Variants in GMFB observed in about 807,000 individuals in gnomAD.
The protein encoded by GMFB is glia maturation factor beta, also known as GMF-beta.
Under a neutral mutation model 25.6 loss-of-function variants are expected in GMFB, and 13 were observed. That is an observed-to-expected ratio of 0.51 (90% CI 0.33 to 0.81). GMFB has a LOEUF of 0.81. Ranked by LOEUF, GMFB falls within the 30% of genes least tolerant of loss-of-function variation. GMFB has a pLI of 0.02. For synonymous variants in GMFB, 57 were observed against 56.9 expected (o/e 1.00, Z 0.00); for missense variants, 146 against 175.4 (o/e 0.83, Z 0.95).
intron 3 of GMFB, among the ~76,000 whole-genome samples, chr14:54,481,923 T>C (rs1327879209): frequency 1.3e-5 from 2 of 152,162 alleles, no homozygotes; most frequent in Non-Finnish European, 2.9e-5. Flanking sequence ...ACTCAGTATA[T>C]GACCCCAACT....
At chr14:54,487,978 A>G (rs2031811179) in intron 1 of GMFB, among the ~76,000 whole-genome samples, 1 of 152,212 alleles carries the variant, frequency 6.6e-6, no homozygotes, top group Non-Finnish European at 1.5e-5. Flanking sequence ...AAGGGGAAGA[A>G]TGAAGGAAGA....
At chr14:54,486,237 A>C (rs1226369259) in intron 1 of GMFB, among the ~76,000 whole-genome samples, 1 of 152,194 alleles carries the variant, frequency 6.6e-6, no homozygotes, top group African/African-American at 2.4e-5. Flanking sequence ...CGACAGAGCG[A>C]GACTCCATCT....
Position 54,483,521 on chromosome 14 carries a change from C to T in GMFB, c.100+150G>A, listed in dbSNP as rs1191807930. ...TCTGTGACATTAGAATTAGCTGTTA[C>T]TTATTTTTTAAAGTGATCTAAAGGT... On this transcript the variant is annotated intron_variant, in intron 2 of 6. Coordinates refer to ENST00000358056, the MANE Select transcript of GMFB (RefSeq NM_004124.3). 9 of 607,960 alleles carry T rather than the reference C, an allele frequency of 1.5e-5. No individual in the cohort carries two copies. In the Middle Eastern group the frequency reaches 9.7e-4, roughly 65 times the overall value. 37.7% of individuals were successfully genotyped at this position (607,960 alleles called of 1,614,324 possible).
Position 54,476,494 on chromosome 14 carries a change from T to C in GMFB, c.*1594A>G, listed in dbSNP as rs576684186. On this transcript the variant is annotated 3_prime_UTR_variant, in exon 7 of 7. Transcript: ENST00000358056. ...TTTTAAACTTCCTGGGTGAGTTTTC[T>C]CTTCTCTCTGGAAATTGGAATAAAG... The C allele has an allele frequency of 2.0e-4, 30 of 152,160 alleles. No homozygotes were observed. The highest frequency in any genetic ancestry group is 3.8e-4 in the Non-Finnish European group (26 of 67,892). The allele number at this position is 152,160 out of a possible 1,614,324, so 9.4% of individuals were successfully genotyped here. A position where few individuals can be genotyped will look rare whatever the true frequency, so the allele number is the denominator to read the frequency against.
intron 1 of GMFB, among the ~76,000 whole-genome samples, chr14:54,487,518 G>C (rs370038160): frequency 6.6e-6 from 1 of 151,628 alleles, no homozygotes; most frequent in South Asian, 2.1e-4. Flanking sequence ...CAACCAACGC[G>C]ACAGAGCGAG....
At chr14:54,488,141 C>T (rs1315845590) in intron 1 of GMFB, among the ~76,000 whole-genome samples, 1 of 152,200 alleles carries the variant, frequency 6.6e-6, no homozygotes, top group East Asian at 1.9e-4. Context: ...TCACAGAGAG[C>T]AGTGTTTTGT....
Position 54,474,731 on chromosome 14 carries a change from T to C in GMFB, c.*3357A>G, listed in dbSNP as rs528014385. On this transcript the variant is annotated 3_prime_UTR_variant, in exon 7 of 7. Coordinates refer to ENST00000358056, the MANE Select transcript of GMFB (RefSeq NM_004124.3). Reference sequence around the variant, plus strand: ...TAAATCAGTGGGAACTGCCCTGGCATGTTAATGATCTCAAACAATATTCAA... The same window carrying C: ...TAAATCAGTGGGAACTGCCCTGGCACGTTAATGATCTCAAACAATATTCAA... 1 of 152,784 alleles carries C rather than the reference T, an allele frequency of 6.5e-6. No homozygotes were observed. Among genetic ancestry groups the C allele is most frequent in the East Asian group, 1.9e-4 (1 of 5,192 alleles). The allele number at this position is 152,784 out of a possible 1,614,324, so 9.5% of individuals were successfully genotyped here. A position where few individuals can be genotyped will look rare whatever the true frequency, so the allele number is the denominator to read the frequency against.
rs1226661535 is a variant in GMFB, at chr14:54,475,515, A to G, written c.*2573T>C. 1 of 152,590 alleles carries G rather than the reference A, an allele frequency of 6.6e-6. No homozygotes were observed. Among genetic ancestry groups the G allele is most frequent in the Non-Finnish European group, 1.5e-5 (1 of 67,962 alleles). 9.5% of individuals were successfully genotyped at this position (152,590 alleles called of 1,614,324 possible). A position where few individuals can be genotyped will look rare whatever the true frequency, so the allele number is the denominator to read the frequency against. ...GACAATTTGAACATTTTAGAAGTCA[A>G]TTAAACAAAAACAGTCAACCAACTT... is the stretch of plus-strand genomic sequence containing the variant. On this transcript the variant is annotated 3_prime_UTR_variant, in exon 7 of 7. Transcript: ENST00000358056.
At chr14:54,483,624 A>C (rs1397972679) in intron 2 of GMFB, 47 bp downstream of exon 2, 10 of 968,616 alleles carry the variant, frequency 1.0e-5, no homozygotes, top group Non-Finnish European at 1.6e-5. Flanking sequence ...ACAAGATTAA[A>C]AACAAATTAA....
intron 2 of GMFB, chr14:54,483,198 A>T (rs896277397): frequency 6.5e-6 from 1 of 154,322 alleles, no homozygotes; most frequent in Admixed American, 6.4e-5. Context: ...TTTTCAGAAG[A>T]TAGTGCCAGT....
chr14:54,482,076 ATATGTAAC>A, intron 3 of GMFB, 69 bp downstream of exon 3: 1 of 900,358 alleles, frequency 1.1e-6, no homozygotes, highest in East Asian at 2.5e-5. Context: ...TTTTAGAAGC[ATATGTAAC>A]TAATATAGCA....
rs990720881 is a variant in GMFB at position 54,477,184 on chromosome 14, C to A, written c.*904G>T. 2 of 152,376 alleles carry A rather than the reference C, an allele frequency of 1.3e-5. No individual in the cohort carries two copies. The highest frequency in any genetic ancestry group is 2.9e-5 in the Non-Finnish European group (2 of 67,884). 9.4% of individuals were successfully genotyped at this position (152,376 alleles called of 1,614,324 possible). A position where few individuals can be genotyped will look rare whatever the true frequency, so the allele number is the denominator to read the frequency against. The stretch of plus-strand genomic sequence containing the variant: ...TTTTATTACAAATTTCAGATATACA[C>A]ATTAGAAAATTATTTTATTTGGACC... On this transcript the variant is annotated 3_prime_UTR_variant, in exon 7 of 7. Transcript: ENST00000358056.
At chr14:54,488,749 G>C (rs534897211) in intron 1 of GMFB, 176 bp downstream of exon 1, 41 of 529,890 alleles carry the variant, frequency 7.7e-5, no homozygotes, top group African/African-American at 7.3e-4. Flanking sequence ...CTGAGGCGTG[G>C]TGGCGGCGGC....
At chr14:54,478,380 A>G in intron 6 of GMFB, 2 of 317,634 alleles carry the variant, frequency 6.3e-6, no homozygotes, top group Admixed American at 9.9e-5. Context: ...TTTAAATGCT[A>G]AGTACTCAGT....
chr14:54,485,733 A>G (rs1322467989), intron 1 of GMFB, among the ~76,000 whole-genome samples: 1 of 152,212 alleles, frequency 6.6e-6, no homozygotes, highest in Admixed American at 6.5e-5. Flanking sequence ...AAAAGAACAA[A>G]GCAGTACTTC....
At chr14:54,483,903 AC>A (rs2031747590) in intron 1 of GMFB, 136 bp from the exon 2 acceptor site, 1 of 708,216 alleles carries the variant, frequency 1.4e-6, no homozygotes. Flanking sequence ...AAATACATGA[AC>A]ACTTAAAAGA....
At position 54,476,199 on chromosome 14, in the gene GMFB, A is replaced by G. The variant is rs2031638473; in HGVS notation, c.*1889T>C. The G allele has an allele frequency of 2.0e-5, 3 of 150,670 alleles. No homozygotes were observed. The allele number at this position is 150,670 out of a possible 1,614,324, so 9.3% of individuals were successfully genotyped here. On this transcript the variant is annotated 3_prime_UTR_variant, in exon 7 of 7. Coordinates refer to ENST00000358056, the MANE Select transcript of GMFB (RefSeq NM_004124.3). ...GTAGCGGAACTAAGAGTGCTAACGT[A>G]TGGCAGGTCAATATTATCTGACATT...
intron 2 of GMFB, chr14:54,483,012 G>C (rs1594634171): frequency 6.6e-6 from 1 of 152,064 alleles, no homozygotes; most frequent in African/African-American, 2.4e-5. Flanking sequence ...ACATCTGCCA[G>C]ATGCATCTCT....
chr14:54,475,757 C>CA lies in GMFB; in HGVS notation c.*2330dup, dbSNP rs553814748. 128 of 152,554 alleles carry CA rather than the reference C, an allele frequency of 8.4e-4. No individual in the cohort carries two copies. The highest frequency in any genetic ancestry group is 2.8e-3 in the African/African-American group (116 of 41,546). The allele number at this position is 152,554 out of a possible 1,614,324, so 9.5% of individuals were successfully genotyped here. The stretch of plus-strand genomic sequence containing the variant: ...GCAGGGCCAAAAATTTCAAAACTAA[C>CA]ACTGACTTAGAAGACCACGAAGGAG... On this transcript the variant is annotated 3_prime_UTR_variant, in exon 7 of 7. Coordinates refer to ENST00000358056, the MANE Select transcript of GMFB (RefSeq NM_004124.3).
Sources: gnomAD v4.1 joint callset for allele counts (sites outside exome capture counted in the v4.1 genomes callset) on GRCh38, gnomAD v4.1.1 for gene constraint, MANE v1.5 for transcripts, NCBI Gene and HGNC (gene_info 2026-07-23, HGNC 2026-07-21) for gene names.